SLC20A2: variants seen among roughly 807,000 people sequenced by gnomAD.
SLC20A2 encodes the protein sodium-dependent phosphate transporter 2.
Under a neutral mutation model 61.0 loss-of-function variants are expected in SLC20A2, and 30 were observed. The ratio of observed to expected loss-of-function variants is 0.49; its 90% CI spans 0.37 to 0.67. The LOEUF (loss-of-function observed/expected upper bound fraction) is 0.67. Ranked by LOEUF, SLC20A2 falls within the 30% of genes least tolerant of loss-of-function variation. The probability of loss-of-function intolerance (pLI) is 0.00; values close to 1 mark genes in which losing one functional copy is unlikely to be tolerated. For missense variants in SLC20A2, 626 were observed against 866.4 expected (o/e 0.72, Z 3.48); for synonymous variants, 351 against 353.3 (o/e 0.99, Z 0.07).
intron 1 of SLC20A2, among the ~76,000 whole-genome samples, chr8:42,527,549 G>C (rs1214437186): frequency 1.3e-5 from 2 of 151,994 alleles, no homozygotes; most frequent in Non-Finnish European, 2.9e-5. Context: ...GGGCTGAGGA[G>C]GGCGGATCAC....
intron 8 of SLC20A2, among the ~76,000 whole-genome samples, chr8:42,433,902 G>T (rs990810500): frequency 6.6e-6 from 1 of 152,156 alleles, no homozygotes; most frequent in African/African-American, 2.4e-5. Flanking sequence ...CATAGGGGAG[G>T]TCTGTTTAAT....
chr8:42,508,180 A>G (rs1810825799), intron 1 of SLC20A2, among the ~76,000 whole-genome samples: 3 of 150,724 alleles, frequency 2.0e-5, no homozygotes, highest in South Asian at 4.2e-4. Flanking sequence ...AGAAAGAAAG[A>G]AAGGCATCTT....
chr8:42,464,092 C>CTTTTTTCTTT (rs1806935050), intron 3 of SLC20A2, among the ~76,000 whole-genome samples: 1 of 20,540 alleles, frequency 4.9e-5, no homozygotes, highest in Admixed American at 1.1e-3. Flanking sequence ...GCTGGATGAT[C>CTTTTTTCTTT]TTTTTTTTTT....
intron 6 of SLC20A2, among the ~76,000 whole-genome samples, chr8:42,442,241 T>C (rs769733567): frequency 2.9e-4 from 44 of 152,350 alleles, no homozygotes; most frequent in Middle Eastern, 6.8e-3. Context: ...CCCAACTTGT[T>C]CTTTTATAGA....
intron 5 of SLC20A2, among the ~76,000 whole-genome samples, chr8:42,451,200 G>A (rs1003912176): frequency 2.0e-5 from 3 of 150,352 alleles, no homozygotes; most frequent in Non-Finnish European, 3.0e-5. Context: ...AGAAGGAAGA[G>A]GAGAAACCAG....
chr8:42,483,591 T>C (rs1808720831), intron 1 of SLC20A2, among the ~76,000 whole-genome samples: 1 of 152,206 alleles, frequency 6.6e-6, no homozygotes, highest in Non-Finnish European at 1.5e-5. Context: ...TCCCACTCTC[T>C]AACACAGAAA....
intron 1 of SLC20A2, among the ~76,000 whole-genome samples, chr8:42,493,156 G>A (rs935033545): frequency 6.6e-6 from 1 of 152,172 alleles, no homozygotes; most frequent in Non-Finnish European, 1.5e-5. Flanking sequence ...ATGTGGCACT[G>A]TATAAAGCAG....
chr8:42,523,345 A>G (rs1254481483), intron 1 of SLC20A2, among the ~76,000 whole-genome samples: 2 of 151,564 alleles, frequency 1.3e-5, no homozygotes, highest in Non-Finnish European at 2.9e-5. Flanking sequence ...AACTAAATAA[A>G]TAAATAAAAT....
At chr8:42,463,252 A>G in intron 3 of SLC20A2, 162 bp from the exon 4 acceptor site, 1 of 514,364 alleles carries the variant, frequency 1.9e-6, no homozygotes, top group Non-Finnish European at 3.4e-6. Context: ...GTGACTTGGC[A>G]GAGCTGACCT....
rs1802732436 is a variant in SLC20A2, at chr8:42,417,395, C to G, written c.*408G>C. 1 of 158,174 alleles carries G rather than the reference C, an allele frequency of 6.3e-6. No homozygotes were observed. The highest frequency in any genetic ancestry group is 1.4e-5 in the Non-Finnish European group (1 of 70,900). 9.8% of individuals were successfully genotyped at this position (158,174 alleles called of 1,614,324 possible). On this transcript the variant is annotated 3_prime_UTR_variant, in exon 11 of 11. Transcript: ENST00000520262. ...AAAATCATTTTCCAATCTACACTTT[C>G]CTTTTAGAAGGCTTAACATTTGCCA...
chr8:42,452,182 A>G (rs533049368), intron 5 of SLC20A2, among the ~76,000 whole-genome samples: 11 of 134,754 alleles, frequency 8.2e-5, no homozygotes, highest in Admixed American at 5.8e-4. Flanking sequence ...GGAGGAAGAG[A>G]TAGGAGGAGG....
chr8:42,465,254 A>G (rs545384014), intron 3 of SLC20A2, among the ~76,000 whole-genome samples: 2 of 151,420 alleles, frequency 1.3e-5, no homozygotes, highest in South Asian at 4.2e-4. Context: ...ATGGGGTTGA[A>G]CCATGTTGGC....
At chr8:42,540,011 G>A (rs1812972156) in intron 1 of SLC20A2, among the ~76,000 whole-genome samples, 1 of 152,210 alleles carries the variant, frequency 6.6e-6, no homozygotes, top group Non-Finnish European at 1.5e-5. Flanking sequence ...GCACACGTTT[G>A]CCCGGCGCGG....
chr8:42,422,241 C>T (rs923237411), intron 10 of SLC20A2, among the ~76,000 whole-genome samples: 2 of 152,044 alleles, frequency 1.3e-5, no homozygotes, highest in Non-Finnish European at 2.9e-5. Flanking sequence ...TTAGTAGAGA[C>T]GGGGTTTTGC....
At chr8:42,494,444 C>G (rs1227942829) in intron 1 of SLC20A2, among the ~76,000 whole-genome samples, 2 of 151,924 alleles carry the variant, frequency 1.3e-5, no homozygotes, top group African/African-American at 4.8e-5. Flanking sequence ...TACAGGTAAC[C>G]AAAAAGAAGG....
At chr8:42,530,768 T>C (rs1283579567) in intron 1 of SLC20A2, among the ~76,000 whole-genome samples, 1 of 152,156 alleles carries the variant, frequency 6.6e-6, no homozygotes, top group African/African-American at 2.4e-5. Context: ...CAGGCTGGAG[T>C]GCAGTGGCAT....
At chr8:42,454,275 T>C (rs1269597855) in intron 5 of SLC20A2, among the ~76,000 whole-genome samples, 1 of 152,182 alleles carries the variant, frequency 6.6e-6, no homozygotes, top group African/African-American at 2.4e-5. Flanking sequence ...GTGCTGAGAT[T>C]ACAGGCGTGA....
intron 8 of SLC20A2, among the ~76,000 whole-genome samples, chr8:42,432,859 G>A (rs1803969577): frequency 6.6e-6 from 1 of 152,112 alleles, no homozygotes; most frequent in African/African-American, 2.4e-5. Context: ...AATAGACTAT[G>A]GTATACTATT....
chr8:42,452,162 TGGA>T lies in SLC20A2; in HGVS notation c.614-7403_614-7401del, dbSNP rs373694377. 5.6e-3 allele frequency among the ~76,000 whole-genome samples: 453 copies of T among 80,436 alleles called. 5 individuals carry two copies. The highest frequency in any genetic ancestry group is 0.022 in the African/African-American group (426 of 19,050). 52.8% of individuals were successfully genotyped at this position (80,436 alleles called of 152,430 possible). A position where few individuals can be genotyped will look rare whatever the true frequency, so the allele number is the denominator to read the frequency against. ...AGAGATGAAGAGGAGGAGGAAGAGA[TGGA>T]GGAGGAGGAGGAAGAGATAGGAGGA... On this transcript the variant is annotated intron_variant, in intron 5 of 10. Coordinates refer to ENST00000520262, the MANE Select transcript of SLC20A2 (RefSeq NM_001257180.2).
Sources: gnomAD v4.1 joint callset for allele counts (sites outside exome capture counted in the v4.1 genomes callset) on GRCh38, gnomAD v4.1.1 for gene constraint, MANE v1.5 for transcripts, NCBI Gene and HGNC (gene_info 2026-07-23, HGNC 2026-07-21) for gene names.